UTP20: variants seen among roughly 807,000 people sequenced by gnomAD.
The protein encoded by UTP20 is small subunit processome component 20 homolog.
In UTP20, 164 loss-of-function variants were observed where a neutral mutation model predicts 329.5. The ratio of observed to expected loss-of-function variants is 0.50; its 90% CI spans 0.44 to 0.57. UTP20 has a LOEUF of 0.57. Among genes scored for constraint, UTP20 ranks in the 20% least tolerant of loss-of-function variants. The probability of loss-of-function intolerance (pLI) is 0.00; values close to 1 mark genes in which losing one functional copy is unlikely to be tolerated. For missense variants in UTP20, 3,055 were observed against 3,284.2 expected (o/e 0.93, Z 1.71); for synonymous variants, 1,151 against 1,159.3 (o/e 0.99, Z 0.14).
rs776367536 is a variant in UTP20 at position 101,354,919 on chromosome 12, G to A, written c.5195G>A (p.Ser1732Asn). 7.4e-6 allele frequency: 12 copies of A among 1,614,078 alleles called. No homozygotes were observed. Among genetic ancestry groups the A allele is most frequent in the Non-Finnish European group, 1.0e-5 (12 of 1,180,048 alleles). The change falls in exon 41 of 62, where the codon AGT becomes AAT. Residue 1732 changes from serine (S) to asparagine (N), a missense_variant. Coordinates refer to ENST00000261637, the MANE Select transcript of UTP20 (RefSeq NM_014503.3). ...GAAGAGAAGGAATATACATGCAAGA[G>A]TTTGTCAGACAACGGACAACCGGGA... ...DEEEKEYTCK[S>N]LSDNGQPGTP...
chr12:101,378,974 T>C (rs1870560277), intron 56 of UTP20, among the ~76,000 whole-genome samples: 1 of 152,190 alleles, frequency 6.6e-6, no homozygotes, highest in Admixed American at 6.5e-5. Context: ...TGCCTACTTA[T>C]GGGGTATCTA....
chr12:101,343,035 A>C lies in UTP20; in HGVS notation c.4391A>C (p.Gln1464Pro), dbSNP rs1322610138. 1 of 1,613,320 alleles carries C rather than the reference A, an allele frequency of 6.2e-7. No homozygotes were observed. The highest frequency in any genetic ancestry group is 8.5e-7 in the Non-Finnish European group (1 of 1,179,520). Residue 1464 changes from glutamine to proline, a missense_variant, in exon 35 of 62, where the codon CAA becomes CCA. By Grantham distance (76) the Gln-to-Pro change is moderately conservative. This residue lies in a region of UTP20 where 2,445 missense variants were observed against 2,575.5 expected (regional missense o/e 0.95). Transcript: ENST00000261637. The part of the protein sequence containing the change: ...QTITSYIKEM[Q>P]IVDVNYLIPV... ...ATCACCTCTTACATTAAAGAAATGC[A>C]AATTGTGGATGTTAACTACCTAATT...
At chr12:101,354,777 A>C (rs770828477) in intron 40 of UTP20, 55 bp from the exon 41 acceptor site, 261 of 1,555,232 alleles carry the variant, frequency 1.7e-4, no homozygotes, top group Non-Finnish European at 3.2e-5. Flanking sequence ...GCTTACCACA[A>C]CTGTGTGGTT....
At chr12:101,344,811 C>T (rs555155368) in intron 36 of UTP20, 61 bp downstream of exon 36, 42 of 1,480,178 alleles carry the variant, frequency 2.8e-5, no homozygotes, top group East Asian at 9.1e-5. Flanking sequence ...TGTTTTCCCA[C>T]GTTTGCTACT....
chr12:101,366,430 G>A, intron 46 of UTP20, 128 bp from the exon 47 acceptor site: 2 of 1,175,408 alleles, frequency 1.7e-6, no homozygotes, highest in Middle Eastern at 2.0e-4. Flanking sequence ...GTTTGGGGAG[G>A]GGCAAAACCC....
At chr12:101,355,323 A>T (rs146247047) in intron 41 of UTP20, among the ~76,000 whole-genome samples, 59 of 152,270 alleles carry the variant, frequency 3.9e-4, no homozygotes, top group African/African-American at 1.3e-3. Context: ...CTCCTTCTTT[A>T]TGATTTTGAT....
intron 45 of UTP20, among the ~76,000 whole-genome samples, chr12:101,365,072 T>TGTGTGTGTGTG: frequency 7.0e-6 from 1 of 142,010 alleles, no homozygotes; most frequent in African/African-American, 2.7e-5. Flanking sequence ...ATTTTGTTGA[T>TGTGTGTGTGTG]TGTGTGTGTG....
At chr12:101,383,366 T>A in intron 59 of UTP20, 53 bp downstream of exon 59, 1 of 1,553,494 alleles carries the variant, frequency 6.4e-7, no homozygotes, top group East Asian at 2.3e-5. Flanking sequence ...TTAAAAAGTA[T>A]TTTAATGATA....
At position 101,290,847 on chromosome 12, in the gene UTP20, A is replaced by C. The variant is rs749485098; in HGVS notation, c.850A>C (p.Ile284Leu). The C allele has an allele frequency of 6.2e-7, 1 of 1,613,616 alleles. No individual in the cohort carries two copies. The highest frequency in any genetic ancestry group is 1.7e-5 in the Admixed American group (1 of 59,940). Reference sequence around the variant, plus strand: ...CATGGTCAAATCCACTGTATCCTACATCTCCAAGGAACATTTTGGTACATT... The same window carrying C: ...CATGGTCAAATCCACTGTATCCTACCTCTCCAAGGAACATTTTGGTACATT... ...KNMVKSTVSY[I>L]SKEHFGTFFE... The change falls in exon 8 of 62, where the codon ATC (isoleucine) becomes CTC (leucine). Residue 284 changes from isoleucine (I) to leucine (L), a missense_variant. Around this residue, in one of 3 missense-constraint regions of UTP20, gnomAD observed 2,445 missense variants for 2,575.5 expected, o/e 0.95. Transcript: ENST00000261637.
In UTP20 at chr12:101,327,155, C is replaced by T. The variant is rs1412055124; in HGVS notation, c.3116C>T (p.Ala1039Val). 6.2e-7 allele frequency: 1 copy of T among 1,613,238 alleles called. No homozygotes were observed. Among genetic ancestry groups the T allele is most frequent in the Non-Finnish European group, 8.5e-7 (1 of 1,179,260 alleles). ...QGKSASGTRMAIVLRFLAGTQ... is the reference protein window; with the variant it reads ...QGKSASGTRMVIVLRFLAGTQ... The stretch of plus-strand genomic sequence containing the variant: ...AAATCTGCTTCAGGCACCCGCATGG[C>T]CATTGTCCTGCGGTTCCTGGCCGGG... Residue 1039 changes from alanine (A) to valine (V), a missense_variant, in exon 26 of 62, where the codon GCC (alanine) becomes GTC (valine). Physicochemically the swap from Ala to Val is moderately conservative, Grantham distance 64 (BLOSUM62 0). Around this residue, in one of 3 missense-constraint regions of UTP20, gnomAD observed 2,445 missense variants for 2,575.5 expected, o/e 0.95. Transcript: ENST00000261637.
chr12:101,351,526 CT>C (rs753646442), intron 38 of UTP20, among the ~76,000 whole-genome samples: 27,433 of 117,744 alleles, frequency 0.23, 2,063 homozygotes, highest in East Asian at 0.31. Flanking sequence ...AGGCAGTGTA[CT>C]TTTTTTTTTT....
At position 101,355,001 on chromosome 12, in the gene UTP20, A is replaced by G; in HGVS notation, c.5277A>G (p.Thr1759=). The part of the protein sequence containing the change: ...GTSAKESECI[T]KPVSFLPQNK... ...CAGCTAAAGAATCCGAGTGTATCAC[A>G]AAGCCTGTCTCTTTCCTTCCTCAAA... The change falls in exon 41 of 62, where the codon ACA becomes ACG. Residue 1759 remains threonine, a synonymous_variant. Transcript: ENST00000261637. The G allele has an allele frequency of 6.2e-7, 1 of 1,614,222 alleles. No homozygotes were observed. The highest frequency in any genetic ancestry group is 8.5e-7 in the Non-Finnish European group (1 of 1,180,036).
At chr12:101,282,642 C>A (rs1424920066) in intron 2 of UTP20, among the ~76,000 whole-genome samples, 2 of 152,114 alleles carry the variant, frequency 1.3e-5, no homozygotes, top group Non-Finnish European at 2.9e-5. Context: ...ATGACATGAT[C>A]AGGTTTAAAT....
rs1565802631 is a variant in UTP20, at chr12:101,354,939, C to T, written c.5215C>T (p.Pro1739Ser). 1 of 1,614,128 alleles carries T rather than the reference C, an allele frequency of 6.2e-7. No individual in the cohort carries two copies. Residue 1739 changes from proline (P) to serine (S), a missense_variant, in exon 41 of 62, where the codon CCG becomes TCG. Coordinates refer to ENST00000261637, the MANE Select transcript of UTP20 (RefSeq NM_014503.3). ...CAAGAGTTTGTCAGACAACGGACAA[C>T]CGGGAACCCCTGATCCAGCTGACTC... ...TCKSLSDNGQ[P>S]GTPDPADSGG...
At chr12:101,335,174 T>G (rs1042044607) in intron 29 of UTP20, among the ~76,000 whole-genome samples, 1 of 152,148 alleles carries the variant, frequency 6.6e-6, no homozygotes, top group African/African-American at 2.4e-5. Context: ...ATACATCCTT[T>G]GGACTGTTTG....
rs188807250 is a variant in UTP20 at position 101,325,013 on chromosome 12, G to A, written c.3042-2068G>A. ...TCCACATGACAAAACTTTTATTAGC[G>A]TTAGTAGTTGTCATTGGGTTTTCTT... On this transcript the variant is annotated intron_variant, in intron 25 of 61. Transcript: ENST00000261637. 2.5e-3 allele frequency among the ~76,000 whole-genome samples: 386 copies of A among 152,006 alleles called. 1 individual carries two copies. Among genetic ancestry groups the A allele is most frequent in the Non-Finnish European group, 3.9e-3 (266 of 67,976 alleles).
chr12:101,285,991 A>G (rs981884468), intron 4 of UTP20, 110 bp downstream of exon 4: 3 of 1,449,394 alleles, frequency 2.1e-6, no homozygotes, highest in African/African-American at 1.4e-5. Context: ...ATTTAGAAAC[A>G]AGGAGGATTT....
At position 101,373,136 on chromosome 12, in the gene UTP20, G is replaced by A. The variant is rs865811203; in HGVS notation, c.6878+173G>A. On this transcript the variant is annotated intron_variant, in intron 52 of 61. Transcript: ENST00000261637. ...ACATTGTGCTTGGCTTCATATAGCC[G>A]TTCTCTGAGTTGCTTTTCAATCTAA... 6.6e-4 allele frequency among the ~76,000 whole-genome samples: 101 copies of A among 152,238 alleles called. 1 individual carries two copies. Among genetic ancestry groups the A allele is most frequent in the African/African-American group, 2.1e-3 (88 of 41,544 alleles).
intron 5 of UTP20, among the ~76,000 whole-genome samples, chr12:101,286,829 A>G (rs938674470): frequency 1.3e-5 from 2 of 152,066 alleles, no homozygotes; most frequent in African/African-American, 4.8e-5. Flanking sequence ...CACCTATGTC[A>G]CACAACTTTT....
Sources: gnomAD v4.1 joint callset for allele counts (sites outside exome capture counted in the v4.1 genomes callset) on GRCh38, gnomAD v4.1.1 for gene constraint, gnomAD v4.1.1 regional missense constraint, MANE v1.5 for transcripts, NCBI Gene and HGNC (gene_info 2026-07-23, HGNC 2026-07-21) for gene names.